FBN3: variants seen among roughly 807,000 people sequenced by gnomAD.
FBN3 encodes fibrillin 3.
FBN3 carries 234 observed loss-of-function variants against 330.1 expected under a neutral mutation model. The observed-to-expected ratio is 0.71, with a 90% confidence interval of 0.64 to 0.79. The LOEUF (loss-of-function observed/expected upper bound fraction) is 0.79, where lower values mean the gene tolerates loss of function less well. Among genes scored for constraint, FBN3 ranks in the 30% least tolerant of loss-of-function variants. The pLI, the probability that FBN3 is intolerant of heterozygous loss-of-function variation, is 0.00. For synonymous variants in FBN3, 1,458 were observed against 1,517.3 expected, an observed-to-expected ratio of 0.96 and a Z score of 0.91; for missense variants, 3,606 against 3,886.9, an observed-to-expected ratio of 0.93 and a Z score of 1.92.
chr19:8,122,953 G>A lies in FBN3; in HGVS notation c.3082+511C>T, dbSNP rs557759890. ...GCTGGGATTACAAATGTGAGCCACC[G>A]CGCCCAGCCCAGCCCCTTCTTTTAT... On this transcript the variant is annotated intron_variant, in intron 24 of 63. Transcript: ENST00000600128. Among the ~76,000 whole-genome samples, 9 of 151,394 alleles carry A rather than the reference G, an allele frequency of 5.9e-5. No individual in the cohort carries two copies. In the South Asian group the frequency reaches 8.5e-4, roughly 14 times the overall value.
At position 8,103,686 on chromosome 19, in the gene FBN3, A is replaced by G. The variant is rs1212843486; in HGVS notation, c.4815T>C (p.Asp1605=). 2.5e-6 allele frequency: 4 copies of G among 1,612,762 alleles called. No homozygotes were observed. The highest frequency in any genetic ancestry group is 3.4e-6 in the Non-Finnish European group (4 of 1,179,146). ...HLSEHTRICE[D]IDECSTHSGI... ...CGGAGTGTGTGGAGCATTCGTCAAT[A>G]TCTGCAGGGAAAGAAGGGGTGGAGG... The change falls in exon 39 of 64, where the codon GAT becomes GAC. Residue 1605 remains aspartate (D), a splice_region_variant and synonymous_variant. Transcript: ENST00000600128.
At chr19:8,103,257 A>C (rs2082366145) in intron 39 of FBN3, among the ~76,000 whole-genome samples, 1 of 100,742 alleles carries the variant, frequency 9.9e-6, no homozygotes, top group African/African-American at 3.9e-5. Context: ...ACAGAGTGAG[A>C]CTCTATCTCA....
chr19:8,140,419 G>A (rs747614431), intron 8 of FBN3, among the ~76,000 whole-genome samples: 67 of 152,298 alleles, frequency 4.4e-4, no homozygotes, highest in Admixed American at 1.3e-3. Context: ...AGCCGAGATC[G>A]TGCCATTGCA....
chr19:8,118,919 C>T lies in FBN3; in HGVS notation c.3315G>A (p.Thr1105=), dbSNP rs777340540. The change falls in exon 26 of 64, where the codon ACG becomes ACA. Residue 1105 remains threonine (T), a synonymous_variant. Transcript: ENST00000600128. ...KCQCPPGHEL[T]AKGTACEDID... ...TACCCTCACAGGCAGTGCCCTTGGC[C>T]GTCAGCTCATGCCCAGGGGGACACT... 4.3e-6 allele frequency: 7 copies of T among 1,612,582 alleles called. No homozygotes were observed. Among genetic ancestry groups the T allele is most frequent in the East Asian group, 2.2e-5 (1 of 44,854 alleles).
In FBN3 at chr19:8,131,445, T is replaced by TCA. The variant is rs2083144014; in HGVS notation, c.1990+108_1990+109insTG. 2 of 1,486,120 alleles carry TCA rather than the reference T, an allele frequency of 1.3e-6. No individual in the cohort carries two copies. The highest frequency in any genetic ancestry group is 3.8e-5 in the Admixed American group (2 of 52,310). 92.1% of individuals were successfully genotyped at this position (1,486,120 alleles called of 1,614,324 possible). ...GGGAGCAACTCCCTTCAGCCTCTTTTTGGGAAGAGCCCCCACTCCATGGCA... is the reference window on the plus strand; with the variant it reads ...GGGAGCAACTCCCTTCAGCCTCTTTTCATGGGAAGAGCCCCCACTCCATGGCA... On this transcript the variant is annotated intron_variant, in intron 15 of 63. Coordinates refer to ENST00000600128, the MANE Select transcript of FBN3 (RefSeq NM_032447.5). This position sits in a 1 kb window ranked among gnomAD's most constrained non-coding sequence, Gnocchi z 4.5.
Position 8,073,317 on chromosome 19 carries a change from G to A in FBN3, c.7703-20C>T, listed in dbSNP as rs769647173. The A allele has an allele frequency of 5.0e-6, 8 of 1,599,700 alleles. No homozygotes were observed. The highest frequency in any genetic ancestry group is 1.3e-5 in the African/African-American group (1 of 74,744). On this transcript the variant is annotated intron_variant, in intron 61 of 63. Coordinates refer to ENST00000600128, the MANE Select transcript of FBN3 (RefSeq NM_032447.5). ...TCTCATCTGTGGGAGGAAAGGAGGA[G>A]GAGAGGGAGGACGCAGAGGTGGGGC...
At chr19:8,072,966 C>CGTGTGTGTGTGTGTGTGT (rs60155490) in intron 62 of FBN3, 97 bp downstream of exon 62, 151 of 645,118 alleles carry the variant, frequency 2.3e-4, no homozygotes, top group African/African-American at 6.7e-4. Context: ...CACAAAGCCC[C>CGTGTGTGTGTGTGTGTGT]GTGTGTGTGT....
At chr19:8,102,442 G>C (rs1471442079) in intron 40 of FBN3, among the ~76,000 whole-genome samples, 1 of 151,920 alleles carries the variant, frequency 6.6e-6, no homozygotes, top group Non-Finnish European at 1.5e-5. Flanking sequence ...GTTTTCGAAT[G>C]CCTGACCTCA....
At chr19:8,104,169 A>G (rs1044323844) in intron 38 of FBN3, among the ~76,000 whole-genome samples, 4 of 150,546 alleles carry the variant, frequency 2.7e-5, no homozygotes, top group Admixed American at 2.7e-4. Context: ...TTAAGTGAAA[A>G]AAAAAAAAAA....
At chr19:8,134,262 A>AAATAAAT (rs2083226638) in intron 13 of FBN3, among the ~76,000 whole-genome samples, 1 of 33,878 alleles carries the variant, frequency 3.0e-5, no homozygotes, top group Non-Finnish European at 6.7e-5. Context: ...AATAAATAAA[A>AAATAAAT]TAAATAAATG....
At chr19:8,146,339 T>G (rs1429510617) in intron 3 of FBN3, 114 bp from the exon 4 acceptor site, 1 of 829,576 alleles carries the variant, frequency 1.2e-6, no homozygotes, top group African/African-American at 1.7e-5. Flanking sequence ...GTCATCTGCA[T>G]CCCCGGCTCT....
intron 3 of FBN3, among the ~76,000 whole-genome samples, 167 bp downstream of exon 3, chr19:8,146,937 G>A (rs2083560015): frequency 6.6e-6 from 1 of 152,196 alleles, no homozygotes; most frequent in Non-Finnish European, 1.5e-5. Flanking sequence ...AAATGAACAT[G>A]GCAGGTTGGC....
intron 8 of FBN3, among the ~76,000 whole-genome samples, chr19:8,139,035 C>T (rs942507720): frequency 1.3e-4 from 19 of 151,156 alleles, no homozygotes; most frequent in African/African-American, 4.6e-4. Context: ...GCCTGGGCAA[C>T]AGAGCGAGAC....
chr19:8,130,625 AAAG>A (rs2083112969), intron 16 of FBN3, among the ~76,000 whole-genome samples: 2 of 4,174 alleles, frequency 4.8e-4, no homozygotes, highest in Non-Finnish European at 9.1e-4. Flanking sequence ...AGAAAGAAAG[AAAG>A]AAAGAAAGAA....
intron 29 of FBN3, 134 bp downstream of exon 29, chr19:8,116,540 A>G: frequency 1.1e-6 from 1 of 941,520 alleles, no homozygotes; most frequent in East Asian, 2.4e-5. Context: ...ACAAAGCCTC[A>G]TCTTCCTACC....
At chr19:8,101,456 C>T (rs1370751163) in intron 40 of FBN3, among the ~76,000 whole-genome samples, 1 of 152,194 alleles carries the variant, frequency 6.6e-6, no homozygotes, top group Admixed American at 6.5e-5. Flanking sequence ...CTGCTGTCAA[C>T]ACACTCTGTT....
chr19:8,093,088 T>G (rs117213709), intron 47 of FBN3, among the ~76,000 whole-genome samples: 11,869 of 151,450 alleles, frequency 0.078, 610 homozygotes, highest in Middle Eastern at 0.12. Context: ...AAAAAAAAAT[T>G]TAAACCTTAA....
intron 56 of FBN3, among the ~76,000 whole-genome samples, chr19:8,084,173 G>A (rs1340985836): frequency 1.3e-5 from 2 of 152,102 alleles, no homozygotes; most frequent in Non-Finnish European, 2.9e-5. Context: ...TCAGTGAGAC[G>A]CACTGATGTC....
Position 8,129,230 on chromosome 19 carries a change from G to C in FBN3, c.2170+10C>G. On this transcript the variant is annotated intron_variant, in intron 17 of 63. Coordinates refer to ENST00000600128, the MANE Select transcript of FBN3 (RefSeq NM_032447.5). The surrounding 1 kb of genome is among the most constrained non-coding windows in gnomAD (Gnocchi z 4.5). ...TGCCCACACATCCGCCCGCCAGGTGGCATGCTCACCTGTGCAGTCCTTGCC... is the reference window on the plus strand; with the variant it reads ...TGCCCACACATCCGCCCGCCAGGTGCCATGCTCACCTGTGCAGTCCTTGCC... 6.2e-7 allele frequency: 1 copy of C among 1,613,672 alleles called. No individual in the cohort carries two copies. Among genetic ancestry groups the C allele is most frequent in the East Asian group, 2.2e-5 (1 of 44,886 alleles).
Sources: gnomAD v4.1 joint callset for allele counts (sites outside exome capture counted in the v4.1 genomes callset) on GRCh38, gnomAD v4.1.1 for gene constraint, Gnocchi (gnomAD v3.1) non-coding constraint, MANE v1.5 for transcripts, NCBI Gene and HGNC (gene_info 2026-07-23, HGNC 2026-07-21) for gene names.